Variants in IL15 observed in about 807,000 individuals in gnomAD.
IL15 encodes interleukin-15.
IL15 carries 11 observed loss-of-function variants against 19.6 expected under a neutral mutation model. The observed-to-expected ratio is 0.56, with a 90% CI of 0.35 to 0.93. The LOEUF (loss-of-function observed/expected upper bound fraction) is 0.93. Ranked by LOEUF, IL15 falls within the 40% of genes least tolerant of loss-of-function variation. The pLI is 0.01. For synonymous variants in IL15, 58 were observed against 59.6 expected, an observed-to-expected ratio of 0.97 and a Z score of 0.12; for missense variants, 197 against 186.5, an observed-to-expected ratio of 1.06 and a Z score of -0.33.
intron 7 of IL15, among the ~76,000 whole-genome samples, chr4:141,732,273 A>G: frequency 6.6e-6 from 1 of 152,214 alleles, no homozygotes; most frequent in East Asian, 1.9e-4. Context: ...TAACAGAGAG[A>G]AAAGCAAAGG....
intron 2 of IL15, among the ~76,000 whole-genome samples, chr4:141,657,254 T>C (rs576708863): frequency 5.9e-5 from 9 of 152,216 alleles, no homozygotes; most frequent in Non-Finnish European, 1.2e-4. Flanking sequence ...CCCCTTAAGA[T>C]GGATAAATTT....
chr4:141,703,471 T>G (rs775176109), intron 2 of IL15, among the ~76,000 whole-genome samples: 18 of 152,204 alleles, frequency 1.2e-4, no homozygotes, highest in Non-Finnish European at 2.5e-4. Context: ...CGACTGCTTC[T>G]ACTTTTATTT....
At chr4:141,731,585 G>T (rs531867899) in intron 7 of IL15, among the ~76,000 whole-genome samples, 2 of 152,192 alleles carry the variant, frequency 1.3e-5, no homozygotes, top group South Asian at 2.1e-4. Flanking sequence ...TGTGACATAC[G>T]TGCTGGAATG....
intron 2 of IL15, among the ~76,000 whole-genome samples, chr4:141,700,517 A>G (rs940418120): frequency 6.6e-5 from 10 of 152,158 alleles, no homozygotes; most frequent in Admixed American, 6.5e-5. Context: ...GTTTGACTTT[A>G]TAGGTTGCCT....
intron 1 of IL15, among the ~76,000 whole-genome samples, chr4:141,641,634 T>A (rs944226267): frequency 1.5e-5 from 2 of 131,822 alleles, no homozygotes; most frequent in Middle Eastern, 5.0e-3. Flanking sequence ...AGGTGGGAAT[T>A]GAACAATGAG....
At position 141,656,226 on chromosome 4, in the gene IL15, T is replaced by A. The variant is rs1050966793; in HGVS notation, c.-181T>A. The A allele has an allele frequency of 2.5e-6, 1 of 398,318 alleles. No homozygotes were observed. Among genetic ancestry groups the A allele is most frequent in the Non-Finnish European group, 4.4e-6 (1 of 225,960 alleles). The allele number at this position is 398,318 out of a possible 1,614,324, so 24.7% of individuals were successfully genotyped here. A position where few individuals can be genotyped will look rare whatever the true frequency, so the allele number is the denominator to read the frequency against. ...ATGGCCATGTGGCTCTTTGGAGCAATGTTCCATCATGTTCCATGCTGCTGA... is the reference window on the plus strand; with the variant it reads ...ATGGCCATGTGGCTCTTTGGAGCAAAGTTCCATCATGTTCCATGCTGCTGA... On this transcript the variant is annotated 5_prime_UTR_variant, in exon 2 of 8. The change abolishes an upstream ATG in the 5' untranslated region. Coordinates refer to ENST00000320650, the MANE Select transcript of IL15 (RefSeq NM_000585.5).
chr4:141,663,072 A>G (rs2152162979), intron 2 of IL15, among the ~76,000 whole-genome samples: 1 of 152,310 alleles, frequency 6.6e-6, no homozygotes, highest in East Asian at 1.9e-4. Context: ...ATCATGATCA[A>G]GTAGGGTTCA....
intron 2 of IL15, among the ~76,000 whole-genome samples, chr4:141,663,252 T>C (rs1259085666): frequency 6.6e-6 from 1 of 152,226 alleles, no homozygotes; most frequent in Non-Finnish European, 1.5e-5. Context: ...TAAAACATTT[T>C]ATAAACAAGG....
At chr4:141,683,300 G>A (rs1471412535) in intron 2 of IL15, among the ~76,000 whole-genome samples, 3 of 151,582 alleles carry the variant, frequency 2.0e-5, no homozygotes, top group Admixed American at 1.3e-4. Flanking sequence ...GCTGGGCGCG[G>A]TGGCTCATGC....
intron 5 of IL15, among the ~76,000 whole-genome samples, chr4:141,725,969 G>A (rs1385007290): frequency 2.0e-5 from 3 of 152,130 alleles, no homozygotes; most frequent in Admixed American, 1.3e-4. Flanking sequence ...ATCACATGGC[G>A]AGGGGCTGAA....
intron 2 of IL15, among the ~76,000 whole-genome samples, chr4:141,662,868 T>G (rs972751837): frequency 2.0e-5 from 3 of 152,134 alleles, no homozygotes; most frequent in Non-Finnish European, 4.4e-5. Flanking sequence ...TAAAGAAGAA[T>G]AAAAACTTCA....
chr4:141,706,791 A>T (rs1291926395), intron 2 of IL15, among the ~76,000 whole-genome samples: 1 of 151,674 alleles, frequency 6.6e-6, no homozygotes, highest in Non-Finnish European at 1.5e-5. Context: ...TCTAATAGAG[A>T]TCCTTTTGTA....
intron 2 of IL15, among the ~76,000 whole-genome samples, chr4:141,710,949 C>T (rs1286028567): frequency 6.6e-6 from 1 of 152,108 alleles, no homozygotes; most frequent in Non-Finnish European, 1.5e-5. Context: ...CCATGATTTT[C>T]CTTGCACATT....
intron 1 of IL15, among the ~76,000 whole-genome samples, chr4:141,645,895 C>T (rs1053412467): frequency 1.8e-4 from 28 of 152,132 alleles, no homozygotes; most frequent in Non-Finnish European, 2.6e-4. Flanking sequence ...TCTCACAGCA[C>T]GGTAGTTTCA....
At chr4:141,646,594 G>T (rs1409095642) in intron 1 of IL15, among the ~76,000 whole-genome samples, 2 of 152,012 alleles carry the variant, frequency 1.3e-5, no homozygotes, top group African/African-American at 2.4e-5. Flanking sequence ...TCAGATTTTG[G>T]AAAGTAATAT....
intron 2 of IL15, among the ~76,000 whole-genome samples, chr4:141,659,343 C>T (rs936119509): frequency 2.2e-4 from 34 of 152,164 alleles, no homozygotes; most frequent in Middle Eastern, 6.8e-3. Context: ...GCTGTGATTA[C>T]AGGCACATGC....
At chr4:141,732,674 T>C (rs2152194843) in intron 7 of IL15, 64 bp from the exon 8 acceptor site, 1 of 1,578,788 alleles carries the variant, frequency 6.3e-7, no homozygotes, top group Non-Finnish European at 8.6e-7. Flanking sequence ...ATATTCCCAT[T>C]CCCATGAATG....
At chr4:141,649,538 G>A (rs1044086425) in intron 1 of IL15, among the ~76,000 whole-genome samples, 1 of 152,062 alleles carries the variant, frequency 6.6e-6, no homozygotes, top group African/African-American at 2.4e-5. Context: ...AAGATTAAAA[G>A]AGAGGAGGTG....
At chr4:141,699,678 A>G (rs1729218984) in intron 2 of IL15, among the ~76,000 whole-genome samples, 1 of 152,132 alleles carries the variant, frequency 6.6e-6, no homozygotes, top group Non-Finnish European at 1.5e-5. Flanking sequence ...TGCATGGAAT[A>G]TCTTTTTCCA....
Sources: allele counts gnomAD v4.1 joint callset (sites outside exome capture counted in the v4.1 genomes callset), GRCh38; gene constraint gnomAD v4.1.1; transcripts MANE v1.5; gene names NCBI Gene and HGNC (gene_info 2026-07-23, HGNC 2026-07-21).